The following MYO5A variants were observed in gnomAD, a reference collection of about 807,000 sequenced individuals.
The protein encoded by MYO5A is unconventional myosin-Va.
A neutral mutation model predicts 249.7 loss-of-function variants in MYO5A; 98 were observed. The observed-to-expected ratio is 0.39, with a 90% CI of 0.33 to 0.46. MYO5A has a LOEUF of 0.46. MYO5A is among the 20% of genes least tolerant of loss of function. The pLI is 0.98. For synonymous variants in MYO5A, 778 were observed against 810.6 expected (o/e 0.96, Z 0.68); for missense variants, 1,696 against 2,308.8 (o/e 0.73, Z 5.44).
intron 4 of MYO5A, among the ~76,000 whole-genome samples, chr15:52,424,438 A>G (rs2075352233): frequency 6.6e-6 from 1 of 152,182 alleles, no homozygotes; most frequent in Non-Finnish European, 1.5e-5. Flanking sequence ...CCAAACTCAG[A>G]AAGTTGCTAT....
At chr15:52,456,172 AC>A (rs920052340) in intron 1 of MYO5A, among the ~76,000 whole-genome samples, 1 of 152,180 alleles carries the variant, frequency 6.6e-6, no homozygotes, top group Admixed American at 6.5e-5. Context: ...CCAACAGCAA[AC>A]AATCTGAAAA....
chr15:52,520,019 C>T (rs563668047), intron 1 of MYO5A, among the ~76,000 whole-genome samples: 20 of 152,262 alleles, frequency 1.3e-4, no homozygotes, highest in Non-Finnish European at 2.1e-4. Context: ...CATGAGCCAC[C>T]GCACCTGGCC....
intron 1 of MYO5A, among the ~76,000 whole-genome samples, chr15:52,477,659 A>G (rs1746950506): frequency 6.6e-6 from 1 of 152,058 alleles, no homozygotes; most frequent in African/African-American, 2.4e-5. Flanking sequence ...GGTCTGTTGG[A>G]AGTTTGCTGG....
chr15:52,391,868 T>G, intron 12 of MYO5A, 62 bp downstream of exon 12: 1 of 1,545,136 alleles, frequency 6.5e-7, no homozygotes. Flanking sequence ...TTGAACCCAC[T>G]TATCTTCTGA....
At chr15:52,380,692 G>C (rs1459293603) in intron 16 of MYO5A, among the ~76,000 whole-genome samples, 1 of 152,070 alleles carries the variant, frequency 6.6e-6, no homozygotes, top group Non-Finnish European at 1.5e-5. Context: ...GCTTGAACCC[G>C]GGAGGCAGAG....
chr15:52,430,065 T>C (rs1321963587), intron 2 of MYO5A, among the ~76,000 whole-genome samples: 1 of 152,248 alleles, frequency 6.6e-6, no homozygotes, highest in Non-Finnish European at 1.5e-5. Flanking sequence ...AAGCCAGTTA[T>C]GGTAATACTA....
At chr15:52,327,373 C>T (rs1200401399) in intron 36 of MYO5A, among the ~76,000 whole-genome samples, 1 of 152,146 alleles carries the variant, frequency 6.6e-6, no homozygotes, top group Non-Finnish European at 1.5e-5. Context: ...GCCAGATAGA[C>T]ATGTTCAAGG....
chr15:52,497,327 C>T (rs887116552), intron 1 of MYO5A, among the ~76,000 whole-genome samples: 1 of 151,438 alleles, frequency 6.6e-6, no homozygotes, highest in South Asian at 2.1e-4. Context: ...CAAGTCTCAA[C>T]AAATTTCAAA....
chr15:52,371,740 C>T (rs1411597534), intron 21 of MYO5A, among the ~76,000 whole-genome samples: 2 of 151,924 alleles, frequency 1.3e-5, no homozygotes, highest in African/African-American at 2.4e-5. Flanking sequence ...TGTGGTAGTA[C>T]GTGCCTGTAG....
intron 1 of MYO5A, among the ~76,000 whole-genome samples, chr15:52,484,476 T>C (rs138031934): frequency 6.6e-6 from 1 of 152,346 alleles, no homozygotes; most frequent in South Asian, 2.1e-4. Flanking sequence ...ACACTAACTT[T>C]AATCCTGACT....
rs565803051 is a variant in MYO5A, at chr15:52,309,247, T to C, written c.*4449A>G. 5.3e-5 allele frequency: 8 copies of C among 152,326 alleles called. No homozygotes were observed. The highest frequency in any genetic ancestry group is 2.1e-4 in the South Asian group (1 of 4,820). 9.4% of individuals were successfully genotyped at this position (152,326 alleles called of 1,614,324 possible). On this transcript the variant is annotated 3_prime_UTR_variant, in exon 42 of 42. Transcript: ENST00000399233. ...TACCAATTAATGCCCAAACAGAGTA[T>C]TGCATCCTCCCAGAGAGCACTGATT...
At position 52,336,181 on chromosome 15, in the gene MYO5A, C is replaced by T. The variant is rs151058629; in HGVS notation, c.4408+282G>A. ...ACTCCAGAATCCACATTCTTAACTC[C>T]TATGCTATACTGCCTAGCACATTGT... On this transcript the variant is annotated intron_variant, in intron 34 of 41. Transcript: ENST00000399233. Among the ~76,000 whole-genome samples, 1,254 of 152,272 alleles carry T rather than the reference C, an allele frequency of 8.2e-3. 17 individuals carry two copies. The highest frequency in any genetic ancestry group is 0.027 in the African/African-American group (1,136 of 41,534).
intron 6 of MYO5A, among the ~76,000 whole-genome samples, chr15:52,408,743 C>A (rs941434357): frequency 1.1e-4 from 16 of 152,144 alleles, no homozygotes; most frequent in African/African-American, 3.6e-4. Context: ...AATACAGTTG[C>A]AATAATATTG....
At chr15:52,504,058 T>C (rs1355814370) in intron 1 of MYO5A, among the ~76,000 whole-genome samples, 1 of 150,564 alleles carries the variant, frequency 6.6e-6, no homozygotes, top group Admixed American at 6.6e-5. Context: ...CTCCTTCTTT[T>C]TTTTTTTTTT....
At chr15:52,358,858 T>A (rs2040376849) in intron 25 of MYO5A, among the ~76,000 whole-genome samples, 1 of 152,148 alleles carries the variant, frequency 6.6e-6, no homozygotes, top group Non-Finnish European at 1.5e-5. Flanking sequence ...AAAACCTCTA[T>A]CCTGCTATAT....
intron 11 of MYO5A, among the ~76,000 whole-genome samples, chr15:52,392,302 T>C (rs2042274463): frequency 6.6e-6 from 1 of 152,224 alleles, no homozygotes; most frequent in African/African-American, 2.4e-5. Context: ...AAATAGCTGA[T>C]CAATGTAGCA....
chr15:52,457,228 G>T (rs1202236868), intron 1 of MYO5A, among the ~76,000 whole-genome samples: 1 of 152,124 alleles, frequency 6.6e-6, no homozygotes, highest in Non-Finnish European at 1.5e-5. Flanking sequence ...GACTGCTTGA[G>T]CTCAGGAGTT....
At chr15:52,370,906 A>T (rs910879923) in intron 21 of MYO5A, among the ~76,000 whole-genome samples, 3 of 152,122 alleles carry the variant, frequency 2.0e-5, no homozygotes, top group Admixed American at 2.0e-4. Context: ...AGAGGCCAGG[A>T]GTTCAAGACT....
chr15:52,358,662 GC>G (rs1161751333), intron 25 of MYO5A, among the ~76,000 whole-genome samples: 1 of 152,066 alleles, frequency 6.6e-6, no homozygotes, highest in African/African-American at 2.4e-5. Flanking sequence ...ACATGGAGAG[GC>G]CCAGGGAAGA....
Sources: allele counts gnomAD v4.1 joint callset (sites outside exome capture counted in the v4.1 genomes callset), GRCh38; gene constraint gnomAD v4.1.1; transcripts MANE v1.5; gene names NCBI Gene and HGNC (gene_info 2026-07-23, HGNC 2026-07-21).